Variants in AHNAK2 observed in about 807,000 individuals in gnomAD.
AHNAK2 encodes the protein AHNAK nucleoprotein 2, also known as protein AHNAK2.
A neutral mutation model predicts 30.7 loss-of-function variants in AHNAK2; 18 were observed. The ratio of observed to expected loss-of-function variants is 0.59; its 90% CI spans 0.41 to 0.87. AHNAK2 has a LOEUF of 0.87. Among genes scored for constraint, AHNAK2 ranks in the 40% least tolerant of loss-of-function variants. The pLI, the probability that AHNAK2 is intolerant of heterozygous loss-of-function variation, is 0.00. For synonymous variants in AHNAK2, 3,590 were observed against 3,073.8 expected, an observed-to-expected ratio of 1.17 and a Z score of -5.56; for missense variants, 8,604 against 7,373.0, an observed-to-expected ratio of 1.17 and a Z score of -6.11.
In AHNAK2 at chr14:104,949,975, G is replaced by A. The variant is rs1270213158; in HGVS notation, c.5476C>T (p.Pro1826Ser). The A allele has an allele frequency of 2.5e-6, 4 of 1,588,788 alleles. No homozygotes were observed. The highest frequency in any genetic ancestry group is 2.2e-5 in the East Asian group (1 of 44,680). The change falls in exon 7 of 7, where the codon CCC (proline) becomes TCC (serine). Residue 1826 changes from proline (P) to serine (S), a missense_variant. By Grantham distance (74) the Pro-to-Ser change is moderately conservative (BLOSUM62 -1). Coordinates refer to ENST00000333244, the MANE Select transcript of AHNAK2 (RefSeq NM_138420.4). The part of the protein sequence containing the change: ...VTAKDSKFKM[P>S]KFKMPSFGVS... Reference sequence around the variant, plus strand: ...CCGAACGACGGCATCTTGAACTTGGGCATTTTGAACTTGCTGTCTTTGGCA... The same window carrying A: ...CCGAACGACGGCATCTTGAACTTGGACATTTTGAACTTGCTGTCTTTGGCA...
rs764185492 is a variant in AHNAK2 at position 104,948,877 on chromosome 14, T to C, written c.6574A>G (p.Met2192Val). 6.2e-6 allele frequency: 10 copies of C among 1,608,970 alleles called. No homozygotes were observed. The highest frequency in any genetic ancestry group is 5.4e-5 in the African/African-American group (4 of 73,732). Residue 2192 changes from methionine to valine, a missense_variant, in exon 7 of 7, where the codon ATG becomes GTG. By Grantham distance (21) the Met-to-Val change is conservative. Coordinates refer to ENST00000333244, the MANE Select transcript of AHNAK2 (RefSeq NM_138420.4). ...KVEADMSLPS[M>V]QGDLKTTDLS... ...TCAGTGGTCTTGAGGTCCCCCTGCA[T>C]GGAGGGGAGACTCATGTCGGCCTCC...
At chr14:104,975,233 A>T (rs1899564476) in intron 1 of AHNAK2, among the ~76,000 whole-genome samples, 1 of 152,150 alleles carries the variant, frequency 6.6e-6, no homozygotes, top group South Asian at 2.1e-4. Context: ...TTGGAACTGG[A>T]GGCTCTGCGG....
chr14:104,977,852 GAGA>G (rs1317458853), intron 1 of AHNAK2, among the ~76,000 whole-genome samples: 4 of 152,222 alleles, frequency 2.6e-5, no homozygotes, highest in East Asian at 1.9e-4. Context: ...GGGCAGGAGC[GAGA>G]AGGAGAGACA....
Position 104,946,314 on chromosome 14 carries a change from A to G in AHNAK2, c.9137T>C (p.Leu3046Pro). 2 of 1,610,386 alleles carry G rather than the reference A, an allele frequency of 1.2e-6. No homozygotes were observed. The highest frequency in any genetic ancestry group is 1.7e-4 in the Middle Eastern group (1 of 6,040). Residue 3046 changes from leucine to proline, a missense_variant, in exon 7 of 7, where the codon CTC (leucine) becomes CCC (proline). Leu to Pro is a moderately conservative substitution (Grantham distance 98). Transcript: ENST00000333244. ...EVQAGQVDLK[L>P]PEGHVPEGAG... ...TCCCTCGGGAACGTGGCCCTCTGGG[A>G]GCTTCAGGTCCACCTGGCCAGCCTG...
In AHNAK2 at chr14:104,951,587, A is replaced by G. The variant is rs747217773; in HGVS notation, c.3864T>C (p.Ala1288=). The change falls in exon 7 of 7, where the codon GCT becomes GCC. Residue 1288 remains alanine (A), a synonymous_variant. Coordinates refer to ENST00000333244, the MANE Select transcript of AHNAK2 (RefSeq NM_138420.4). ...CCACCTCCACACTGGGCAGAGACAC[A>G]GCCACTTCGTGGGCCGTCACCTCTG... ...HKAEVTAHEV[A]VSLPSVEVDM... is the part of the protein sequence containing the mutation. The G allele has an allele frequency of 1.6e-6, 2 of 1,242,684 alleles. 1 individual carries two copies. The highest frequency in any genetic ancestry group is 3.8e-5 in the Admixed American group (2 of 53,326). 77.0% of individuals were successfully genotyped at this position (1,242,684 alleles called of 1,614,324 possible).
At position 104,940,931 on chromosome 14, in the gene AHNAK2, A is replaced by G. The variant is rs1269972411; in HGVS notation, c.14520T>C (p.Ser4840=). 1.9e-6 allele frequency: 3 copies of G among 1,612,712 alleles called. No homozygotes were observed. In the Admixed American group the frequency reaches 5.0e-5, roughly 27 times the overall value. ...GTGGGCCAGAGTGACTCTCAGCTTG[A>G]GATGTTGGAACTCCCTCTGGAGGCT... ...DLQPPEGVPT[S]QAESHSGPLN... Residue 4840 remains serine (S), a synonymous_variant, in exon 7 of 7, where the codon TCT becomes TCC. Transcript: ENST00000333244. This position sits in a 1 kb window ranked among gnomAD's most constrained non-coding sequence, Gnocchi z 4.4.
At position 104,944,906 on chromosome 14, in the gene AHNAK2, G is replaced by A. The variant is rs774219609; in HGVS notation, c.10545C>T (p.Asp3515=). 3 of 1,613,138 alleles carry A rather than the reference G, an allele frequency of 1.9e-6. No homozygotes were observed. The highest frequency in any genetic ancestry group is 1.3e-5 in the African/African-American group (1 of 74,838). ...GAATGCTGAGGTCAGTGGCCTTGAG[G>A]TCCCCCTGCATGGAGGAGAGGCTCA... The part of the protein sequence containing the change: ...ADVSLSSMQG[D]LKATDLSIQP... The change falls in exon 7 of 7, where the codon GAC becomes GAT. Residue 3515 remains aspartate, a synonymous_variant. Transcript: ENST00000333244.
In AHNAK2 at chr14:104,949,844, C is replaced by G. The variant is rs147709210; in HGVS notation, c.5607G>C (p.Thr1869=). ...CAGAAGGGAGCGGAATGCAGAGGTC[C>G]GTGGTCTTGAGGTCCCCCTGCATGG... ...LPSMQGDLKT[T]DLCIPLPSAD... Residue 1869 remains threonine, a synonymous_variant, in exon 7 of 7, where the codon ACG becomes ACC. Coordinates refer to ENST00000333244, the MANE Select transcript of AHNAK2 (RefSeq NM_138420.4). 25 of 1,580,598 alleles carry G rather than the reference C, an allele frequency of 1.6e-5. 2 individuals carry two copies. The highest frequency in any genetic ancestry group is 2.3e-5 in the East Asian group (1 of 44,130).
In AHNAK2 at chr14:104,940,230, C is replaced by T; in HGVS notation, c.15221G>A (p.Gly5074Asp). 1 of 1,613,574 alleles carries T rather than the reference C, an allele frequency of 6.2e-7. No homozygotes were observed. The highest frequency in any genetic ancestry group is 8.5e-7 in the Non-Finnish European group (1 of 1,179,890). ...ACTTCCTGTGGCACTTGCTGTTGCACCAAGTCCTCCCCTACCACCGTCACT... is the reference window on the plus strand; with the variant it reads ...ACTTCCTGTGGCACTTGCTGTTGCATCAAGTCCTCCCCTACCACCGTCACT... ...ASSDGGRGGL[G>D]ATASATGSEG... The change falls in exon 7 of 7, where the codon GGT becomes GAT. Residue 5074 changes from glycine to aspartate, a missense_variant. Gly to Asp is a moderately conservative substitution (Grantham distance 94). Coordinates refer to ENST00000333244, the MANE Select transcript of AHNAK2 (RefSeq NM_138420.4). The surrounding 1 kb of genome is among the most constrained non-coding windows in gnomAD (Gnocchi z 4.4).
Position 104,951,799 on chromosome 14 carries a change from C to A in AHNAK2, c.3652G>T (p.Ala1218Ser). The A allele has an allele frequency of 7.6e-7, 1 of 1,318,424 alleles. No individual in the cohort carries two copies. The highest frequency in any genetic ancestry group is 1.1e-6 in the Non-Finnish European group (1 of 944,374). The allele number at this position is 1,318,424 out of a possible 1,614,324, so 81.7% of individuals were successfully genotyped here. Residue 1218 changes from alanine (A) to serine (S), a missense_variant, in exon 7 of 7, where the codon GCT becomes TCT. Coordinates refer to ENST00000333244, the MANE Select transcript of AHNAK2 (RefSeq NM_138420.4). ...TTDLSIQPPSADLEVHAGQVD... is the reference protein window; with the variant it reads ...TTDLSIQPPSSDLEVHAGQVD... ...TGGCCAGCGTGGACCTCCAGGTCAGCGGAAGGGGGCTGAATGCTGAGGTCA... is the reference window on the plus strand; with the variant it reads ...TGGCCAGCGTGGACCTCCAGGTCAGAGGAAGGGGGCTGAATGCTGAGGTCA...
rs754011980 is a variant in AHNAK2, at chr14:104,945,479, G to A, written c.9972C>T (p.Gly3324=). 2.5e-6 allele frequency: 4 copies of A among 1,613,416 alleles called. No homozygotes were observed. The highest frequency in any genetic ancestry group is 1.7e-5 in the Admixed American group (1 of 59,996). The stretch of plus-strand genomic sequence containing the variant: ...CATCCACCGAGGCCTGGATGGACTT[G>A]CCTGGGGCAGACGCCCTGTACGACG... The part of the protein sequence containing the change: ...KMPSYRASAP[G]KSIQASVDVS... Residue 3324 remains glycine (G), a synonymous_variant, in exon 7 of 7, where the codon GGC becomes GGT. Transcript: ENST00000333244.
At chr14:104,956,889 C>T (rs1031757869) in intron 3 of AHNAK2, among the ~76,000 whole-genome samples, 200 bp from the exon 4 acceptor site, 9 of 152,212 alleles carry the variant, frequency 5.9e-5, no homozygotes, top group African/African-American at 2.2e-4. Flanking sequence ...TGCTTCCCGA[C>T]AGGGCCCAGC....
At chr14:104,970,616 A>C (rs2140883179) in intron 1 of AHNAK2, 14 of 708,612 alleles carry the variant, frequency 2.0e-5, no homozygotes, top group African/African-American at 3.9e-5. Flanking sequence ...GGACCCCCAC[A>C]TCCCACCAGA....
chr14:104,962,636 A>G (rs184583103), intron 1 of AHNAK2, among the ~76,000 whole-genome samples: 7 of 151,482 alleles, frequency 4.6e-5, no homozygotes, highest in African/African-American at 1.2e-4. Flanking sequence ...GGGTTTCACC[A>G]TGTTGCCCAG....
Position 104,941,278 on chromosome 14 carries a change from C to A in AHNAK2, c.14173G>T (p.Ala4725Ser), listed in dbSNP as rs773273617. 6.2e-7 allele frequency: 1 copy of A among 1,613,592 alleles called. No homozygotes were observed. Among genetic ancestry groups the A allele is most frequent in the Non-Finnish European group, 8.5e-7 (1 of 1,179,852 alleles). ...KTPKDSLVPG[A>S]KSSIGLSTIP... is the part of the protein sequence containing the mutation. ...GTGGAAAGACCTATGCTAGACTTTG[C>A]ACCTGGGACTAAACTATCTTTAGGA... is the stretch of plus-strand genomic sequence containing the variant. The change falls in exon 7 of 7, where the codon GCA (alanine) becomes TCA (serine). Residue 4725 changes from alanine to serine, a missense_variant. Ala to Ser is a moderately conservative substitution (Grantham distance 99). Transcript: ENST00000333244.
chr14:104,938,850 A>G lies in AHNAK2; in HGVS notation c.16601T>C (p.Val5534Ala), dbSNP rs748673360. 5 of 1,613,614 alleles carry G rather than the reference A, an allele frequency of 3.1e-6. No homozygotes were observed. The highest frequency in any genetic ancestry group is 1.7e-5 in the Admixed American group (1 of 59,996). ...AGAGTGTTGAGTCATTGTTGTGTAC[A>G]CTCTAGCCTGCGTGTGGGGCTCTGG... ...KIPEPHTQAR[V>A]YTTMTQHSRT... Residue 5534 changes from valine (V) to alanine (A), a missense_variant, in exon 7 of 7, where the codon GTG (valine) becomes GCG (alanine). By Grantham distance (64) the Val-to-Ala change is moderately conservative. Transcript: ENST00000333244.
rs770560938 is a variant in AHNAK2, at chr14:104,950,500, C to T, written c.4951G>A (p.Val1651Met). 3.2e-4 allele frequency: 512 copies of T among 1,586,074 alleles called. 60 individuals are homozygous for T. Among genetic ancestry groups the T allele is most frequent in the Middle Eastern group, 5.0e-4 (3 of 6,018 alleles). Residue 1651 changes from valine (V) to methionine (M), a missense_variant, in exon 7 of 7, where the codon GTG (valine) becomes ATG (methionine). By Grantham distance (21) the Val-to-Met change is conservative. Transcript: ENST00000333244. ...TTGAACTTGCTGTCTTTGGCAGTCA[C>T]CGCCTTGTCGGCCAGGGACAGGTCC... Reference protein sequence around the residue: ...EGDLSLADKAVTAKDSKFKMP... With the variant: ...EGDLSLADKAMTAKDSKFKMP...
Position 104,944,609 on chromosome 14 carries a change from C to A in AHNAK2, c.10842G>T (p.Lys3614Asn). ...CTCCCTCCAGCCGCCCAGCATCCAG[C>A]TTGGCCTTCGGGGCCTGGACATCCA... ...VEVDVQAPKA[K>N]LDAGRLEGDL... Residue 3614 changes from lysine to asparagine, a missense_variant, in exon 7 of 7, where the codon AAG becomes AAT. Physicochemically the swap from Lys to Asn is moderately conservative, Grantham distance 94. Transcript: ENST00000333244. The A allele has an allele frequency of 6.2e-7, 1 of 1,612,028 alleles. No individual in the cohort carries two copies. Among genetic ancestry groups the A allele is most frequent in the Non-Finnish European group, 8.5e-7 (1 of 1,179,272 alleles).
chr14:104,944,963 C>T lies in AHNAK2; in HGVS notation c.10488G>A (p.Leu3496=). The T allele has an allele frequency of 6.2e-7, 1 of 1,613,168 alleles. No homozygotes were observed. Among genetic ancestry groups the T allele is most frequent in the Non-Finnish European group, 8.5e-7 (1 of 1,179,636 alleles). The change falls in exon 7 of 7, where the codon CTG becomes CTA. Residue 3496 remains leucine (L), a synonymous_variant. Transcript: ENST00000333244. ...CCTCCACCTTCGGCGCAGACACATCCAGCGAGGCCTCGATGGACCTGCCTG... is the reference window on the plus strand; with the variant it reads ...CCTCCACCTTCGGCGCAGACACATCTAGCGAGGCCTCGATGGACCTGCCTG... ...SAPGRSIEAS[L]DVSAPKVEAD...
Sources: allele counts gnomAD v4.1 joint callset (sites outside exome capture counted in the v4.1 genomes callset), GRCh38; gene constraint gnomAD v4.1.1; non-coding constraint Gnocchi (gnomAD v3.1); transcripts MANE v1.5; gene names NCBI Gene and HGNC (gene_info 2026-07-23, HGNC 2026-07-21).